NAALADL2: variants seen among roughly 807,000 people sequenced by gnomAD.
NAALADL2 encodes N-acetylated alpha-linked acidic dipeptidase like 2.
NAALADL2 carries 76 observed loss-of-function variants against 87.2 expected under a neutral mutation model. The ratio of observed to expected loss-of-function variants is 0.87; its 90% CI spans 0.72 to 1.05. The LOEUF (loss-of-function observed/expected upper bound fraction) is 1.05, where lower values mean the gene tolerates loss of function less well. NAALADL2 is among the 50% of genes least tolerant of loss of function. NAALADL2 has a pLI of 0.00. For missense variants in NAALADL2, 1,089 were observed against 945.8 expected (o/e 1.15, Z -1.99); for synonymous variants, 354 against 331.0 (o/e 1.07, Z -0.75).
intron 9 of NAALADL2, among the ~76,000 whole-genome samples, chr3:175,529,307 A>G (rs1017139382): frequency 6.6e-6 from 1 of 152,204 alleles, no homozygotes; most frequent in Non-Finnish European, 1.5e-5. Flanking sequence ...CTTAACTTCC[A>G]GTTTAATGGA....
At chr3:175,138,918 A>ATG (rs1156981904) in intron 2 of NAALADL2, among the ~76,000 whole-genome samples, 3,819 of 136,312 alleles carry the variant, frequency 0.028, 81 homozygotes, top group South Asian at 0.046. Flanking sequence ...ATATATATAT[A>ATG]TATATATGAT....
At chr3:175,037,167 A>G (rs137904741) in intron 1 of NAALADL2, among the ~76,000 whole-genome samples, 353 of 152,272 alleles carry the variant, frequency 2.3e-3, no homozygotes, top group African/African-American at 7.8e-3. Flanking sequence ...AGAGAGAGTG[A>G]AAACTAGATG....
intron 10 of NAALADL2, among the ~76,000 whole-genome samples, chr3:175,587,658 C>G (rs1009053522): frequency 6.6e-6 from 1 of 152,032 alleles, no homozygotes; most frequent in Non-Finnish European, 1.5e-5. Context: ...CTTAGACTCC[C>G]GAGAATCCCA....
At chr3:174,886,966 C>G (rs1249460433) in intron 1 of NAALADL2, among the ~76,000 whole-genome samples, 1 of 152,180 alleles carries the variant, frequency 6.6e-6, no homozygotes, top group Non-Finnish European at 1.5e-5. Flanking sequence ...ATCAAATAAA[C>G]AACAGACAAA....
chr3:175,233,989 A>T lies in NAALADL2; in HGVS notation c.604A>T (p.Thr202Ser). Residue 202 changes from threonine to serine, a missense_variant, in exon 3 of 14, where the codon ACT becomes TCT. Coordinates refer to ENST00000454872, the MANE Select transcript of NAALADL2 (RefSeq NM_207015.3). ...DDMEISKKIKTQWTSLGLEDV... is the reference protein window; with the variant it reads ...DDMEISKKIKSQWTSLGLEDV... The stretch of plus-strand genomic sequence containing the variant: ...CATGGAAATTTCAAAGAAGATTAAG[A>T]CTCAGTGGACCTCTTTGGGCCTAGA... The T allele has an allele frequency of 1.2e-6, 2 of 1,608,774 alleles. No homozygotes were observed. Among genetic ancestry groups the T allele is most frequent in the Non-Finnish European group, 8.5e-7 (1 of 1,175,304 alleles).
intron 3 of NAALADL2, among the ~76,000 whole-genome samples, chr3:174,820,299 T>C (rs56143813): frequency 0.099 from 15,024 of 152,228 alleles, 821 homozygotes; most frequent in Middle Eastern, 0.13. Flanking sequence ...GTCATTAGAT[T>C]TGTAAAATTA....
chr3:174,939,068 A>C (rs1183454468), intron 1 of NAALADL2, among the ~76,000 whole-genome samples: 1 of 152,078 alleles, frequency 6.6e-6, no homozygotes, highest in African/African-American at 2.4e-5. Context: ...GTGTCTTGTC[A>C]TGAAATCTAT....
intron 3 of NAALADL2, among the ~76,000 whole-genome samples, chr3:174,770,779 C>T (rs1411829657): frequency 1.3e-5 from 2 of 150,840 alleles, no homozygotes; most frequent in African/African-American, 4.9e-5. Context: ...GCAGAGCTTG[C>T]GGTGAGCCGA....
At chr3:174,935,576 G>A (rs1273176959) in intron 1 of NAALADL2, among the ~76,000 whole-genome samples, 3 of 152,070 alleles carry the variant, frequency 2.0e-5, no homozygotes, top group Admixed American at 1.3e-4. Context: ...AACTTTTGTG[G>A]TTTATACACA....
At position 175,097,177 on chromosome 3, in the gene NAALADL2, A is replaced by G. The variant is rs761810700; in HGVS notation, c.431A>G (p.Tyr144Cys). The stretch of plus-strand genomic sequence containing the variant: ...TTTATTTTTGGGATTTTGATAGGTT[A>G]TTATGTACATACAAATTGCCCTTCA... The part of the protein sequence containing the change: ...ILFIFGILIG[Y>C]YVHTNCPSDA... The change falls in exon 2 of 14, where the codon TAT (tyrosine) becomes TGT (cysteine). Residue 144 changes from tyrosine to cysteine, a missense_variant. Transcript: ENST00000454872. 1 of 1,613,728 alleles carries G rather than the reference A, an allele frequency of 6.2e-7. No individual in the cohort carries two copies. The highest frequency in any genetic ancestry group is 8.5e-7 in the Non-Finnish European group (1 of 1,179,668).
At chr3:175,256,782 G>A (rs146815903) in intron 4 of NAALADL2, 1 of 241,934 alleles carries the variant, frequency 4.1e-6, no homozygotes, top group South Asian at 1.2e-4. Flanking sequence ...CTTAAGTCAG[G>A]TAACACTGAG....
chr3:175,786,471 C>G (rs575252797), intron 13 of NAALADL2, among the ~76,000 whole-genome samples: 23 of 152,052 alleles, frequency 1.5e-4, no homozygotes, highest in African/African-American at 5.5e-4. Flanking sequence ...TGCTGATACC[C>G]TTTCTTCCAG....
At chr3:175,616,110 C>G (rs4459914) in intron 10 of NAALADL2, among the ~76,000 whole-genome samples, 99,667 of 146,062 alleles carry the variant, frequency 0.68, 34,950 homozygotes, top group East Asian at 0.85. Flanking sequence ...GAATATTTAT[C>G]GTATATATCA....
At chr3:174,560,892 T>C (rs1172012850) in intron 2 of NAALADL2, among the ~76,000 whole-genome samples, 1 of 152,090 alleles carries the variant, frequency 6.6e-6, no homozygotes, top group Non-Finnish European at 1.5e-5. Flanking sequence ...AGATAAAAGC[T>C]CTCAAACAGC....
At chr3:174,694,001 T>C (rs575168250) in intron 2 of NAALADL2, among the ~76,000 whole-genome samples, 6 of 152,194 alleles carry the variant, frequency 3.9e-5, no homozygotes, top group Non-Finnish European at 5.9e-5. Context: ...GACTTTGGGG[T>C]CATATATTCT....
chr3:175,111,933 A>G (rs1724260850), intron 2 of NAALADL2, among the ~76,000 whole-genome samples: 1 of 151,604 alleles, frequency 6.6e-6, no homozygotes, highest in Non-Finnish European at 1.5e-5. Context: ...TCAAATCCCA[A>G]CTCCATTACA....
intron 3 of NAALADL2, among the ~76,000 whole-genome samples, chr3:174,750,556 C>G (rs1229644383): frequency 6.6e-6 from 1 of 152,062 alleles, no homozygotes; most frequent in East Asian, 1.9e-4. Context: ...GCTTCAACCT[C>G]CTGAGTAGCT....
chr3:174,955,315 C>G (rs1740990509), intron 1 of NAALADL2, among the ~76,000 whole-genome samples: 1 of 152,058 alleles, frequency 6.6e-6, no homozygotes, highest in South Asian at 2.1e-4. Flanking sequence ...ACATTCAGTG[C>G]AAAATAAAAT....
chr3:175,755,303 C>A lies in NAALADL2; in HGVS notation c.2074C>A (p.Arg692=). The A allele has an allele frequency of 6.2e-7, 1 of 1,613,510 alleles. No homozygotes were observed. The highest frequency in any genetic ancestry group is 8.5e-7 in the Non-Finnish European group (1 of 1,179,688). The change falls in exon 13 of 14, where the codon CGA becomes AGA. Residue 692 remains arginine (R), a synonymous_variant. Coordinates refer to ENST00000454872, the MANE Select transcript of NAALADL2 (RefSeq NM_207015.3). ...TGAACTTTTTCAGTCTGATGAGATG[C>A]GACCTGCTAATGATCCCAAGGAGAG... ...SAELFQSDEM[R]PANDPKERAP...
Sources: allele counts gnomAD v4.1 joint callset (sites outside exome capture counted in the v4.1 genomes callset), GRCh38; gene constraint gnomAD v4.1.1; transcripts MANE v1.5; gene names NCBI Gene and HGNC (gene_info 2026-07-23, HGNC 2026-07-21).